DYNLL2: variants seen among roughly 807,000 people sequenced by gnomAD.
DYNLL2 encodes dynein light chain LC8-type 2, also known as dynein light chain 2, cytoplasmic.
Under a neutral mutation model 9.7 loss-of-function variants are expected in DYNLL2, and 1 was observed. The observed-to-expected ratio is 0.10, with a 90% confidence interval of 0.04 to 0.49. DYNLL2 has a LOEUF of 0.49. Ranked by LOEUF, DYNLL2 falls within the 20% of genes least tolerant of loss-of-function variation. The probability of loss-of-function intolerance (pLI) is 0.95; values close to 1 mark genes in which losing one functional copy is unlikely to be tolerated. For missense variants in DYNLL2, 37 were observed against 115.2 expected (o/e 0.32, Z 3.11); for synonymous variants, 35 against 40.5 (o/e 0.86, Z 0.52).
intron 2 of DYNLL2, among the ~76,000 whole-genome samples, chr17:58,087,425 GGTGTGT>G (rs34847794): frequency 4.6e-5 from 7 of 151,010 alleles, no homozygotes; most frequent in East Asian, 2.0e-4. Context: ...AGCTCTGCCA[GGTGTGT>G]GTGTGTGTGT....
In DYNLL2 at chr17:58,093,049, G is replaced by A. The variant is rs2075786037; in HGVS notation, c.*3770G>A. ...CTGGCCTGTGACAACTAGAATATAA[G>A]CTCTGTGAGAGCATTTTTCTCTTAA... is the stretch of plus-strand genomic sequence containing the variant. On this transcript the variant is annotated 3_prime_UTR_variant, in exon 3 of 3. Transcript: ENST00000579991. 1 of 152,244 alleles carries A rather than the reference G, an allele frequency of 6.6e-6. No homozygotes were observed. Among genetic ancestry groups the A allele is most frequent in the African/African-American group, 2.4e-5 (1 of 41,464 alleles). The allele number at this position is 152,244 out of a possible 1,614,324, so 9.4% of individuals were successfully genotyped here.
At position 58,091,980 on chromosome 17, in the gene DYNLL2, T is replaced by C. The variant is rs552261824; in HGVS notation, c.*2701T>C. 1.1e-4 allele frequency: 16 copies of C among 152,348 alleles called. No homozygotes were observed. Among genetic ancestry groups the C allele is most frequent in the African/African-American group, 3.6e-4 (15 of 41,580 alleles). The allele number at this position is 152,348 out of a possible 1,614,324, so 9.4% of individuals were successfully genotyped here. On this transcript the variant is annotated 3_prime_UTR_variant, in exon 3 of 3. Coordinates refer to ENST00000579991, the MANE Select transcript of DYNLL2 (RefSeq NM_080677.3). ...GGCTTCTATGACATACACATTCTTA[T>C]GTGTAGAGCAGACATACACACACTG...
In DYNLL2 at chr17:58,093,163, G is replaced by A. The variant is rs759038128; in HGVS notation, c.*3884G>A. On this transcript the variant is annotated 3_prime_UTR_variant, in exon 3 of 3. Transcript: ENST00000579991. ...TGCTCAAATGAAAAAAGAAGGGTGC[G>A]AGCAAGCCTGGACAGGCCTGGTGCC... 1.3e-5 allele frequency: 2 copies of A among 152,158 alleles called. No individual in the cohort carries two copies. The highest frequency in any genetic ancestry group is 6.5e-5 in the Admixed American group (1 of 15,270). The allele number at this position is 152,158 out of a possible 1,614,324, so 9.4% of individuals were successfully genotyped here. A position where few individuals can be genotyped will look rare whatever the true frequency, so the allele number is the denominator to read the frequency against.
intron 1 of DYNLL2, among the ~76,000 whole-genome samples, chr17:58,084,058 C>T (rs2075747930): frequency 1.3e-5 from 2 of 152,018 alleles, no homozygotes; most frequent in Non-Finnish European, 2.9e-5. Flanking sequence ...GCGGCTCCTC[C>T]TGCCGCCACC....
intron 2 of DYNLL2, 58 bp downstream of exon 2, chr17:58,087,280 C>T (rs2075763616): frequency 1.2e-5 from 20 of 1,600,114 alleles, no homozygotes; most frequent in Non-Finnish European, 1.7e-5. Flanking sequence ...CTGAGCTAAC[C>T]TCCAGGGAGA....
At position 58,089,424 on chromosome 17, in the gene DYNLL2, A is replaced by G. The variant is rs2075772140; in HGVS notation, c.*145A>G. 6.5e-6 allele frequency: 7 copies of G among 1,073,516 alleles called. No homozygotes were observed. The South Asian group carries it at 1.2e-4, about 18-fold the overall frequency. The allele number at this position is 1,073,516 out of a possible 1,614,324, so 66.5% of individuals were successfully genotyped here. The stretch of plus-strand genomic sequence containing the variant: ...GGACTGTATACTCGATTTCATGTGT[A>G]TGTCGCAGTAAACAAAACCAAACCT... On this transcript the variant is annotated 3_prime_UTR_variant, in exon 3 of 3. Coordinates refer to ENST00000579991, the MANE Select transcript of DYNLL2 (RefSeq NM_080677.3).
At chr17:58,088,268 C>T (rs946692566) in intron 2 of DYNLL2, among the ~76,000 whole-genome samples, 2 of 152,148 alleles carry the variant, frequency 1.3e-5, no homozygotes, top group African/African-American at 4.8e-5. Context: ...TAGTCTTGAG[C>T]CGAGATTGAA....
chr17:58,086,941 T>C, intron 1 of DYNLL2, 141 bp from the exon 2 acceptor site: 1 of 960,634 alleles, frequency 1.0e-6, no homozygotes, highest in South Asian at 1.9e-5. Flanking sequence ...AGGGGCTCCC[T>C]CTCCTAATGC....
chr17:58,089,341 A>T lies in DYNLL2; in HGVS notation c.*62A>T. On this transcript the variant is annotated 3_prime_UTR_variant, in exon 3 of 3. Coordinates refer to ENST00000579991, the MANE Select transcript of DYNLL2 (RefSeq NM_080677.3). ...ATGGCAAGCAGGCGGCGTTGCTGGGACTGTTTTGCACTGGAGCCAGCATCA... is the reference window on the plus strand; with the variant it reads ...ATGGCAAGCAGGCGGCGTTGCTGGGTCTGTTTTGCACTGGAGCCAGCATCA... 6.3e-7 allele frequency: 1 copy of T among 1,582,310 alleles called. No homozygotes were observed. The highest frequency in any genetic ancestry group is 8.6e-7 in the Non-Finnish European group (1 of 1,160,726).
chr17:58,087,281 T>C, intron 2 of DYNLL2, 59 bp downstream of exon 2: 6 of 1,598,668 alleles, frequency 3.8e-6, no homozygotes, highest in Non-Finnish European at 5.1e-6. Context: ...TGAGCTAACC[T>C]CCAGGGAGAT....
At chr17:58,083,862 G>T (rs997913015) in intron 1 of DYNLL2, among the ~76,000 whole-genome samples, 179 bp downstream of exon 1, 1 of 151,396 alleles carries the variant, frequency 6.6e-6, no homozygotes. Context: ...GCGCGCCCCC[G>T]CCGCCCCTCC....
intron 1 of DYNLL2, among the ~76,000 whole-genome samples, chr17:58,085,533 A>T (rs1024317279): frequency 2.0e-5 from 3 of 152,070 alleles, no homozygotes; most frequent in African/African-American, 7.2e-5. Flanking sequence ...GATGGGGGAG[A>T]TAGTTACTGC....
Position 58,089,405 on chromosome 17 carries a change from T to C in DYNLL2, c.*126T>C. ...AATGGCTGTGCTACTGCATGGACTG[T>C]ATACTCGATTTCATGTGTATGTCGC... On this transcript the variant is annotated 3_prime_UTR_variant, in exon 3 of 3. Transcript: ENST00000579991. 4 of 1,256,080 alleles carry C rather than the reference T, an allele frequency of 3.2e-6. No homozygotes were observed. The South Asian group carries it at 4.8e-5, about 15-fold the overall frequency. 77.8% of individuals were successfully genotyped at this position (1,256,080 alleles called of 1,614,324 possible).
chr17:58,092,450 GC>G lies in DYNLL2; in HGVS notation c.*3174del, dbSNP rs1324479960. 1 of 152,284 alleles carries G rather than the reference GC, an allele frequency of 6.6e-6. No homozygotes were observed. Among genetic ancestry groups the G allele is most frequent in the Non-Finnish European group, 1.5e-5 (1 of 68,086 alleles). 9.4% of individuals were successfully genotyped at this position (152,284 alleles called of 1,614,324 possible). On this transcript the variant is annotated 3_prime_UTR_variant, in exon 3 of 3. Coordinates refer to ENST00000579991, the MANE Select transcript of DYNLL2 (RefSeq NM_080677.3). ...AGGAGATGAGCCTCCACTTTTCGGG[GC>G]CCAGGATGGGAAAGTATGTGAGCAT...
intron 1 of DYNLL2, among the ~76,000 whole-genome samples, chr17:58,084,074 C>T (rs909181513): frequency 6.6e-6 from 1 of 152,018 alleles, no homozygotes; most frequent in Non-Finnish European, 1.5e-5. Context: ...CCACCGCCAC[C>T]CTCTGGGGCG....
chr17:58,091,843 G>A lies in DYNLL2; in HGVS notation c.*2564G>A, dbSNP rs1219252847. ...CTCTTGGAGGTGTTAGGGAGCCAGA[G>A]GTGCTTTGCCCTCTTTGTGTTACTA... On this transcript the variant is annotated 3_prime_UTR_variant, in exon 3 of 3. Transcript: ENST00000579991. 4 of 152,278 alleles carry A rather than the reference G, an allele frequency of 2.6e-5. No homozygotes were observed. The highest frequency in any genetic ancestry group is 4.1e-4 in the South Asian group (2 of 4,828). 9.4% of individuals were successfully genotyped at this position (152,278 alleles called of 1,614,324 possible).
chr17:58,086,370 A>T (rs58670258), intron 1 of DYNLL2, among the ~76,000 whole-genome samples: 1 of 152,214 alleles, frequency 6.6e-6, no homozygotes, highest in Non-Finnish European at 1.5e-5. Flanking sequence ...TTACAAAAAC[A>T]GGTGGTAGGC....
In DYNLL2 at chr17:58,092,510, A is replaced by C. The variant is rs948505115; in HGVS notation, c.*3231A>C. The C allele has an allele frequency of 1.3e-5, 2 of 152,230 alleles. No homozygotes were observed. The highest frequency in any genetic ancestry group is 2.4e-5 in the African/African-American group (1 of 41,432). The allele number at this position is 152,230 out of a possible 1,614,324, so 9.4% of individuals were successfully genotyped here. On this transcript the variant is annotated 3_prime_UTR_variant, in exon 3 of 3. Coordinates refer to ENST00000579991, the MANE Select transcript of DYNLL2 (RefSeq NM_080677.3). ...GAAGGGACTGTGGAAAGCAGATGGAAATTGTGGAATTCTCTCGGAACAATG... is the reference window on the plus strand; with the variant it reads ...GAAGGGACTGTGGAAAGCAGATGGACATTGTGGAATTCTCTCGGAACAATG...
intron 2 of DYNLL2, 42 bp downstream of exon 2, chr17:58,087,264 C>G: frequency 6.2e-7 from 1 of 1,608,738 alleles, no homozygotes; most frequent in Non-Finnish European, 8.5e-7. Flanking sequence ...GGGTGGGGAT[C>G]GACAGCTGAG....
Sources: allele counts gnomAD v4.1 joint callset (sites outside exome capture counted in the v4.1 genomes callset), GRCh38; gene constraint gnomAD v4.1.1; transcripts MANE v1.5; gene names NCBI Gene and HGNC (gene_info 2026-07-23, HGNC 2026-07-21).